The following ZNF423 variants were observed in gnomAD, a reference collection of about 807,000 sequenced individuals.
ZNF423 encodes the protein zinc finger protein 423, also known as Ebf-associated zinc finger protein.
Under a neutral mutation model 95.8 loss-of-function variants are expected in ZNF423, and 12 were observed. That is an observed-to-expected ratio of 0.13 (90% CI 0.08 to 0.20). The LOEUF is 0.20. Ranked by LOEUF, ZNF423 falls within the 10% of genes least tolerant of loss-of-function variation. The probability of loss-of-function intolerance (pLI) is 1.00; values close to 1 mark genes in which losing one functional copy is unlikely to be tolerated. For missense variants in ZNF423, 1,316 were observed against 1,737.1 expected (o/e 0.76, Z 4.31); for synonymous variants, 749 against 711.9 (o/e 1.05, Z -0.83).
intron 3 of ZNF423, among the ~76,000 whole-genome samples, chr16:49,689,569 G>A (rs2031700914): frequency 6.6e-6 from 1 of 152,096 alleles, no homozygotes; most frequent in South Asian, 2.1e-4. Flanking sequence ...GGAGGTCGAG[G>A]GGTGTCACAG....
At chr16:49,575,488 C>T (rs888735992) in intron 5 of ZNF423, among the ~76,000 whole-genome samples, 1 of 152,174 alleles carries the variant, frequency 6.6e-6, no homozygotes, top group East Asian at 1.9e-4. Flanking sequence ...TTCACAACAC[C>T]CGGGCTGTGA....
At chr16:49,615,651 G>C (rs1240493310) in intron 5 of ZNF423, among the ~76,000 whole-genome samples, 1 of 152,094 alleles carries the variant, frequency 6.6e-6, no homozygotes, top group Non-Finnish European at 1.5e-5. Flanking sequence ...GCAGAAACCA[G>C]AGGTCTAAAG....
Position 49,594,048 on chromosome 16 carries a change from C to T in ZNF423, c.3601+32122G>A, listed in dbSNP as rs1971102567. Among the ~76,000 whole-genome samples the T allele has an allele frequency of 2.0e-5, 3 of 152,252 alleles. No individual in the cohort carries two copies. The South Asian group carries it at 6.2e-4, about 32-fold the overall frequency. ...AGTCAGGATAGAACTCAAAAACTAGCAGTGCAAAGCGAGTCCTTGAGAACC... is the reference window on the plus strand; with the variant it reads ...AGTCAGGATAGAACTCAAAAACTAGTAGTGCAAAGCGAGTCCTTGAGAACC... On this transcript the variant is annotated intron_variant, in intron 5 of 7. Transcript: ENST00000563137.
chr16:49,704,187 C>A (rs984910155), intron 3 of ZNF423, among the ~76,000 whole-genome samples: 1 of 152,094 alleles, frequency 6.6e-6, no homozygotes, highest in Non-Finnish European at 1.5e-5. Context: ...AGGGGGAACA[C>A]AGGAGCAGGG....
intron 7 of ZNF423, among the ~76,000 whole-genome samples, chr16:49,491,542 C>CT (rs35641691): frequency 0.35 from 38,698 of 111,142 alleles, 6,958 homozygotes; most frequent in African/African-American, 0.39. Context: ...TGTTTTTTGG[C>CT]TTTTTTTTTT....
intron 7 of ZNF423, among the ~76,000 whole-genome samples, chr16:49,494,021 G>A (rs955428846): frequency 6.6e-6 from 1 of 152,214 alleles, no homozygotes; most frequent in African/African-American, 2.4e-5. Context: ...GGGTGTCTGG[G>A]ATCTCTGGAG....
intron 7 of ZNF423, among the ~76,000 whole-genome samples, chr16:49,512,524 C>T (rs780041578): frequency 6.6e-6 from 1 of 152,216 alleles, no homozygotes; most frequent in Non-Finnish European, 1.5e-5. Context: ...ACTGTGAGCT[C>T]CACAGCATGG....
chr16:49,579,904 C>T (rs1161738120), intron 5 of ZNF423, among the ~76,000 whole-genome samples: 1 of 152,126 alleles, frequency 6.6e-6, no homozygotes, highest in East Asian at 1.9e-4. Context: ...ATGCAGTTTA[C>T]CAGTGAGTTT....
chr16:49,528,061 G>A (rs1968683432), intron 5 of ZNF423, among the ~76,000 whole-genome samples: 1 of 152,156 alleles, frequency 6.6e-6, no homozygotes, highest in African/African-American at 2.4e-5. Flanking sequence ...TCCCCAGGCT[G>A]GGCCCTCTCT....
At chr16:49,755,825 A>G (rs2033716138) in intron 2 of ZNF423, among the ~76,000 whole-genome samples, 1 of 152,228 alleles carries the variant, frequency 6.6e-6, no homozygotes, top group African/African-American at 2.4e-5. Context: ...AAATGCCCAA[A>G]GGACTTCAGG....
At chr16:49,543,842 C>T (rs1377620317) in intron 5 of ZNF423, among the ~76,000 whole-genome samples, 2 of 152,226 alleles carry the variant, frequency 1.3e-5, no homozygotes, top group African/African-American at 4.8e-5. Flanking sequence ...CCGCCACTCA[C>T]GGGCTGGCTG....
chr16:49,713,078 C>G (rs1003750078), intron 3 of ZNF423, among the ~76,000 whole-genome samples: 2 of 152,224 alleles, frequency 1.3e-5, no homozygotes, highest in African/African-American at 4.8e-5. Context: ...TCCAGTCTGA[C>G]AAATCTGCTC....
chr16:49,517,668 G>T, intron 7 of ZNF423: 1 of 244,856 alleles, frequency 4.1e-6, no homozygotes, highest in East Asian at 1.3e-4. Context: ...ATAACAAAAT[G>T]AGAGAAAACT....
At chr16:49,728,221 C>T (rs1045651350) in intron 3 of ZNF423, among the ~76,000 whole-genome samples, 1 of 152,160 alleles carries the variant, frequency 6.6e-6, no homozygotes, top group Non-Finnish European at 1.5e-5. Flanking sequence ...ATACGCAATT[C>T]CCGGTGGTTT....
intron 2 of ZNF423, among the ~76,000 whole-genome samples, chr16:49,754,029 C>CAAA (rs35566540): frequency 2.3e-4 from 21 of 91,722 alleles, no homozygotes; most frequent in South Asian, 1.5e-3. Flanking sequence ...AAGACTCCGT[C>CAAA]AAAAAAAAAA....
chr16:49,630,146 G>T (rs917804101), intron 4 of ZNF423, among the ~76,000 whole-genome samples: 3 of 152,168 alleles, frequency 2.0e-5, no homozygotes, highest in Non-Finnish European at 4.4e-5. Context: ...CGGGGGCAGG[G>T]TGGAGAGAAA....
chr16:49,831,754 G>C (rs780416041), intron 1 of ZNF423, among the ~76,000 whole-genome samples: 1 of 152,146 alleles, frequency 6.6e-6, no homozygotes, highest in African/African-American at 2.4e-5. Context: ...ACTTTGGTAG[G>C]CCAGGGTGGG....
At chr16:49,667,047 C>T (rs1458231089) in intron 3 of ZNF423, among the ~76,000 whole-genome samples, 1 of 152,196 alleles carries the variant, frequency 6.6e-6, no homozygotes, top group Non-Finnish European at 1.5e-5. Context: ...GCCTTTAGGC[C>T]CAGAGCCTCC....
intron 3 of ZNF423, among the ~76,000 whole-genome samples, chr16:49,658,893 G>A (rs1401614182): frequency 3.3e-5 from 5 of 152,196 alleles, no homozygotes; most frequent in African/African-American, 4.8e-5. Flanking sequence ...TTCTCAGCCC[G>A]AGTGGCCACC....
Sources: allele counts gnomAD v4.1 joint callset (sites outside exome capture counted in the v4.1 genomes callset), GRCh38; gene constraint gnomAD v4.1.1; transcripts MANE v1.5; gene names NCBI Gene and HGNC (gene_info 2026-07-23, HGNC 2026-07-21).